REEP3: variants seen among roughly 807,000 people sequenced by gnomAD.
REEP3 encodes the protein receptor accessory protein 3, also known as receptor expression-enhancing protein 3.
Under a neutral mutation model 41.3 loss-of-function variants are expected in REEP3, and 20 were observed. The observed-to-expected ratio is 0.48, with a 90% CI of 0.34 to 0.70. REEP3 has a LOEUF of 0.70. Ranked by LOEUF, REEP3 falls within the 30% of genes least tolerant of loss-of-function variation. The pLI is 0.01. For synonymous variants in REEP3, 104 were observed against 101.8 expected, an observed-to-expected ratio of 1.02 and a Z score of -0.13; for missense variants, 271 against 308.8, an observed-to-expected ratio of 0.88 and a Z score of 0.92.
chr10:63,623,487 C>T lies in REEP3; in HGVS notation c.*2618C>T, dbSNP rs1306925337. ...GGAGCACGGGATTAGATGCACAAAC[C>T]TATTTAGGGAACTATTTTGGTAGAT... On this transcript the variant is annotated 3_prime_UTR_variant, in exon 8 of 8. Transcript: ENST00000373758. 6.6e-6 allele frequency: 1 copy of T among 152,210 alleles called. No homozygotes were observed. The highest frequency in any genetic ancestry group is 1.5e-5 in the Non-Finnish European group (1 of 68,094). The allele number at this position is 152,210 out of a possible 1,614,324, so 9.4% of individuals were successfully genotyped here.
At chr10:63,611,338 G>C (rs1298373636) in intron 6 of REEP3, among the ~76,000 whole-genome samples, 1 of 152,158 alleles carries the variant, frequency 6.6e-6, no homozygotes, top group Non-Finnish European at 1.5e-5. Flanking sequence ...AAAGTTTTAA[G>C]CACGTGATAA....
chr10:63,550,759 G>A (rs1955621725), intron 1 of REEP3, among the ~76,000 whole-genome samples: 1 of 152,168 alleles, frequency 6.6e-6, no homozygotes, highest in East Asian at 1.9e-4. Flanking sequence ...GGATAAGGAT[G>A]TCAAGGCTAA....
At chr10:63,606,560 T>A (rs780489374) in intron 5 of REEP3, among the ~76,000 whole-genome samples, 39 of 152,084 alleles carry the variant, frequency 2.6e-4, no homozygotes, top group Non-Finnish European at 5.3e-4. Context: ...CCTTTTCTCA[T>A]TTTTCTTATA....
At chr10:63,555,133 T>C (rs1687039464) in intron 1 of REEP3, among the ~76,000 whole-genome samples, 1 of 152,204 alleles carries the variant, frequency 6.6e-6, no homozygotes, top group Non-Finnish European at 1.5e-5. Flanking sequence ...TTTCATAGCT[T>C]TTGATGAGTA....
chr10:63,570,514 G>A (rs1229113093), intron 2 of REEP3, among the ~76,000 whole-genome samples: 1 of 152,078 alleles, frequency 6.6e-6, no homozygotes, highest in African/African-American at 2.4e-5. Context: ...TGTGTCATGG[G>A]GGTGTGTGGT....
Position 63,556,451 on chromosome 10 carries a change from T to C in REEP3, c.33-9887T>C, listed in dbSNP as rs557489897. On this transcript the variant is annotated intron_variant, in intron 1 of 7. Coordinates refer to ENST00000373758, the MANE Select transcript of REEP3 (RefSeq NM_001001330.3). The stretch of plus-strand genomic sequence containing the variant: ...ATTCTATTTTTTAAATTCATTACAG[T>C]CTATATTAATATTAGAGAACTAATA... Among the ~76,000 whole-genome samples, 38 of 140,874 alleles carry C rather than the reference T, an allele frequency of 2.7e-4. No individual in the cohort carries two copies. In the South Asian group the frequency reaches 7.8e-3, roughly 29 times the overall value. The allele number at this position is 140,874 out of a possible 152,430, so 92.4% of individuals were successfully genotyped here. A position where few individuals can be genotyped will look rare whatever the true frequency, so the allele number is the denominator to read the frequency against.
At chr10:63,592,022 A>G (rs1443836014) in intron 2 of REEP3, among the ~76,000 whole-genome samples, 1 of 152,216 alleles carries the variant, frequency 6.6e-6, no homozygotes, top group Admixed American at 6.5e-5. Flanking sequence ...TTTTTCTGTG[A>G]ATTTATTAAA....
At chr10:63,573,202 A>T (rs1955868854) in intron 2 of REEP3, among the ~76,000 whole-genome samples, 1 of 152,188 alleles carries the variant, frequency 6.6e-6, no homozygotes, top group Admixed American at 6.6e-5. Context: ...TATTTTGGCA[A>T]CCTTCCTTTC....
intron 1 of REEP3, among the ~76,000 whole-genome samples, chr10:63,527,638 G>A (rs938596998): frequency 6.6e-6 from 1 of 151,910 alleles, no homozygotes; most frequent in African/African-American, 2.4e-5. Flanking sequence ...CCATGAGCAT[G>A]CCACTGCACT....
chr10:63,624,651 G>A lies in REEP3; in HGVS notation c.*3782G>A, dbSNP rs1256635875. On this transcript the variant is annotated 3_prime_UTR_variant, in exon 8 of 8. Transcript: ENST00000373758. ...TTGGTATTACTTATTATTATGTGTTGATTAAATATATGCACACACTTAGGA... is the reference window on the plus strand; with the variant it reads ...TTGGTATTACTTATTATTATGTGTTAATTAAATATATGCACACACTTAGGA... 1.3e-5 allele frequency: 2 copies of A among 151,922 alleles called. No homozygotes were observed. Among genetic ancestry groups the A allele is most frequent in the African/African-American group, 2.4e-5 (1 of 41,368 alleles). The allele number at this position is 151,922 out of a possible 1,614,324, so 9.4% of individuals were successfully genotyped here.
intron 1 of REEP3, among the ~76,000 whole-genome samples, chr10:63,545,406 C>T (rs1396605377): frequency 4.6e-5 from 7 of 152,016 alleles, no homozygotes; most frequent in Non-Finnish European, 8.8e-5. Context: ...GATGGAGTCT[C>T]GCTCTGTTGC....
chr10:63,557,705 A>G (rs1955702412), intron 1 of REEP3, among the ~76,000 whole-genome samples: 1 of 152,216 alleles, frequency 6.6e-6, no homozygotes. Context: ...TGTTCTTTCA[A>G]ATGATTTGAG....
intron 1 of REEP3, among the ~76,000 whole-genome samples, chr10:63,542,260 A>G (rs1406563376): frequency 6.6e-6 from 1 of 151,754 alleles, no homozygotes; most frequent in Non-Finnish European, 1.5e-5. Flanking sequence ...TGTATTTTTA[A>G]TAGAGACAGG....
rs368282358 is a variant in REEP3, at chr10:63,619,719, A to G, written c.630A>G (p.Ser210=). 113 of 1,607,682 alleles carry G rather than the reference A, an allele frequency of 7.0e-5. No individual in the cohort carries two copies. Among genetic ancestry groups the G allele is most frequent in the Non-Finnish European group, 9.0e-5 (106 of 1,176,938 alleles). ...KTDEEAEGPY[S]DNEMLTHKGL... ...ATGAAGAAGCAGAGGGGCCATATTC[A>G]GATAATGAGATGTTAACACACAAAG... The change falls in exon 7 of 8, where the codon TCA becomes TCG. Residue 210 remains serine (S), a synonymous_variant. Coordinates refer to ENST00000373758, the MANE Select transcript of REEP3 (RefSeq NM_001001330.3).
chr10:63,589,053 A>G (rs1033564813), intron 2 of REEP3, among the ~76,000 whole-genome samples: 1 of 152,132 alleles, frequency 6.6e-6, no homozygotes, highest in African/African-American at 2.4e-5. Context: ...GTAGATACAC[A>G]GGGCTTTCCA....
In REEP3 at chr10:63,599,195, C is replaced by T. The variant is rs200155346; in HGVS notation, c.329C>T (p.Ala110Val). The change falls in exon 5 of 8, where the codon GCA (alanine) becomes GTA (valine). Residue 110 changes from alanine (A) to valine (V), a missense_variant. Transcript: ENST00000373758. ...EREIDDYIVQ[A>V]KERGYETMVN... Reference sequence around the variant, plus strand: ...GAGATTGATGATTATATTGTACAAGCAAAGGAACGAGGCTATGAAACCATG... The same window carrying T: ...GAGATTGATGATTATATTGTACAAGTAAAGGAACGAGGCTATGAAACCATG... The T allele has an allele frequency of 5.7e-6, 9 of 1,586,374 alleles. No homozygotes were observed. In the East Asian group the frequency reaches 2.1e-4, roughly 36 times the overall value.
At chr10:63,550,809 A>G (rs1483347016) in intron 1 of REEP3, among the ~76,000 whole-genome samples, 4 of 152,222 alleles carry the variant, frequency 2.6e-5, no homozygotes, top group Non-Finnish European at 5.9e-5. Context: ...CATCAAAAGA[A>G]AATAAATAAG....
intron 1 of REEP3, among the ~76,000 whole-genome samples, chr10:63,532,518 C>T (rs969574408): frequency 2.9e-4 from 44 of 151,918 alleles, no homozygotes; most frequent in African/African-American, 9.6e-4. Context: ...AAAAATTATC[C>T]GGGCGTGTTG....
intron 5 of REEP3, among the ~76,000 whole-genome samples, chr10:63,602,124 G>A (rs571018812): frequency 3.3e-5 from 5 of 151,896 alleles, no homozygotes; most frequent in Non-Finnish European, 7.4e-5. Context: ...GAAAAAAAAA[G>A]GCATAATCAT....
Sources: gnomAD v4.1 joint callset for allele counts (sites outside exome capture counted in the v4.1 genomes callset) on GRCh38, gnomAD v4.1.1 for gene constraint, MANE v1.5 for transcripts, NCBI Gene and HGNC (gene_info 2026-07-23, HGNC 2026-07-21) for gene names.